TRPM6: variants seen among roughly 807,000 people sequenced by gnomAD.
TRPM6 encodes the protein transient receptor potential cation channel subfamily M member 6.
TRPM6 carries 111 observed loss-of-function variants against 247.6 expected under a neutral mutation model. The ratio of observed to expected loss-of-function variants is 0.45; its 90% CI spans 0.38 to 0.52. The LOEUF (loss-of-function observed/expected upper bound fraction) is 0.52, where lower values mean the gene tolerates loss of function less well. TRPM6 is among the 20% of genes least tolerant of loss of function. The pLI is 0.00. For synonymous variants in TRPM6, 892 were observed against 853.8 expected, an observed-to-expected ratio of 1.04 and a Z score of -0.78; for missense variants, 2,126 against 2,421.5, an observed-to-expected ratio of 0.88 and a Z score of 2.56.
Position 74,747,921 on chromosome 9 carries a change from GA to G in TRPM6, c.5058-8del, listed in dbSNP as rs754094830. The G allele has an allele frequency of 5.2e-5, 82 of 1,588,128 alleles. No homozygotes were observed. The highest frequency in any genetic ancestry group is 6.7e-5 in the South Asian group (6 of 89,082). Reference sequence around the variant, plus strand: ...TCCAATTGAACTTTTCAGCCTGTTTGAAAAAAAAATGAAGTTGTTTAGATAA... The same window carrying G: ...TCCAATTGAACTTTTCAGCCTGTTTGAAAAAAAATGAAGTTGTTTAGATAA... On this transcript the variant is annotated splice_region_variant and splice_polypyrimidine_tract_variant and intron_variant, in intron 30 of 38. Coordinates refer to ENST00000360774, the MANE Select transcript of TRPM6 (RefSeq NM_017662.5).
chr9:74,797,876 G>T (rs1442193675), intron 17 of TRPM6, among the ~76,000 whole-genome samples: 1 of 152,030 alleles, frequency 6.6e-6, no homozygotes, highest in African/African-American at 2.4e-5. Flanking sequence ...AAAATTAGTT[G>T]ATATTATAAA....
chr9:74,723,595 G>A lies in TRPM6; in HGVS notation c.*1018C>T, dbSNP rs1192584875. On this transcript the variant is annotated 3_prime_UTR_variant, in exon 39 of 39. Transcript: ENST00000360774. The stretch of plus-strand genomic sequence containing the variant: ...AGGCAGGTGGATCATCTGAGGTCAG[G>A]AGTTTGAGACCAGCCTGGCCAACAT... 1.3e-5 allele frequency: 2 copies of A among 151,364 alleles called. No individual in the cohort carries two copies. Among genetic ancestry groups the A allele is most frequent in the African/African-American group, 2.4e-5 (1 of 41,210 alleles). The allele number at this position is 151,364 out of a possible 1,614,324, so 9.4% of individuals were successfully genotyped here. A position where few individuals can be genotyped will look rare whatever the true frequency, so the allele number is the denominator to read the frequency against.
intron 18 of TRPM6, among the ~76,000 whole-genome samples, chr9:74,796,365 G>A (rs1242164432): frequency 1.3e-5 from 2 of 152,150 alleles, no homozygotes; most frequent in East Asian, 3.8e-4. Flanking sequence ...AGAACCTCTA[G>A]CACATGTAAA....
chr9:74,845,452 C>T (rs1359368240), intron 3 of TRPM6, among the ~76,000 whole-genome samples: 4 of 152,084 alleles, frequency 2.6e-5, no homozygotes, highest in African/African-American at 7.2e-5. Context: ...TATGATTCAG[C>T]CTTAAAAAGG....
chr9:74,727,733 T>TC (rs1825380048), intron 38 of TRPM6, among the ~76,000 whole-genome samples: 1 of 151,582 alleles, frequency 6.6e-6, no homozygotes, highest in African/African-American at 2.4e-5. Context: ...CAAATCAGAT[T>TC]TAAAAAAATA....
intron 1 of TRPM6, among the ~76,000 whole-genome samples, chr9:74,873,956 C>A (rs1564061753): frequency 1.3e-5 from 2 of 151,846 alleles, no homozygotes; most frequent in African/African-American, 4.8e-5. Flanking sequence ...GCAGTCCAGG[C>A]TGGGCATGGT....
At chr9:74,725,211 TC>T (rs1825275602) in intron 38 of TRPM6, among the ~76,000 whole-genome samples, 1 of 152,084 alleles carries the variant, frequency 6.6e-6, no homozygotes, top group Non-Finnish European at 1.5e-5. Context: ...ATCCTATGCT[TC>T]CTAAGCCCTC....
At chr9:74,731,877 C>T (rs1825533222) in intron 37 of TRPM6, among the ~76,000 whole-genome samples, 1 of 152,078 alleles carries the variant, frequency 6.6e-6, no homozygotes, top group East Asian at 1.9e-4. Flanking sequence ...GGCCCTACCC[C>T]AAACCTACTG....
At chr9:74,886,960 T>G (rs770515764) in intron 1 of TRPM6, among the ~76,000 whole-genome samples, 1 of 152,194 alleles carries the variant, frequency 6.6e-6, no homozygotes, top group African/African-American at 2.4e-5. Context: ...TGAAATACAA[T>G]GTGCTCAATT....
At position 74,750,542 on chromosome 9, in the gene TRPM6, T is replaced by C. The variant is rs1430023755; in HGVS notation, c.5057+122A>G. On this transcript the variant is annotated intron_variant, in intron 30 of 38. Transcript: ENST00000360774. ...TTTCATTCTGCTAACAAGAGAAAAG[T>C]ATTGTCATTTGACACACACTTCTTT... 4.5e-6 allele frequency: 4 copies of C among 890,314 alleles called. No homozygotes were observed. The East Asian group carries it at 9.8e-5, about 22-fold the overall frequency. The allele number at this position is 890,314 out of a possible 1,614,324, so 55.2% of individuals were successfully genotyped here.
intron 20 of TRPM6, 113 bp downstream of exon 20, chr9:74,788,501 T>G: frequency 7.7e-7 from 1 of 1,294,300 alleles, no homozygotes; most frequent in East Asian, 2.3e-5. Flanking sequence ...GTGTCCTGTC[T>G]TCCCCCACCC....
At chr9:74,794,841 T>TTA (rs981294847) in intron 18 of TRPM6, among the ~76,000 whole-genome samples, 19 of 151,964 alleles carry the variant, frequency 1.3e-4, no homozygotes, top group Non-Finnish European at 2.6e-4. Context: ...ATAACTTTTA[T>TTA]TATATATATA....
At chr9:74,774,542 C>A (rs1157108501) in intron 24 of TRPM6, among the ~76,000 whole-genome samples, 1 of 152,146 alleles carries the variant, frequency 6.6e-6, no homozygotes, top group African/African-American at 2.4e-5. Context: ...GAGTCACCTA[C>A]CACCAGCAAA....
chr9:74,811,549 A>G (rs1488852676), intron 12 of TRPM6, among the ~76,000 whole-genome samples: 3 of 152,246 alleles, frequency 2.0e-5, no homozygotes, highest in South Asian at 2.1e-4. Flanking sequence ...AGGTACAGGA[A>G]CAGTATTTTA....
At chr9:74,835,677 C>T (rs1829699167) in intron 5 of TRPM6, among the ~76,000 whole-genome samples, 3 of 152,000 alleles carry the variant, frequency 2.0e-5, no homozygotes, top group Admixed American at 2.0e-4. Flanking sequence ...AATTGTGGCA[C>T]TGAGAGTTTA....
chr9:74,776,798 A>T (rs1286439745), intron 23 of TRPM6, among the ~76,000 whole-genome samples: 1 of 152,222 alleles, frequency 6.6e-6, no homozygotes, highest in Non-Finnish European at 1.5e-5. Context: ...AGAGGAACAA[A>T]ATAAGATGTC....
intron 37 of TRPM6, among the ~76,000 whole-genome samples, chr9:74,730,545 C>T (rs1563986976): frequency 6.6e-6 from 1 of 152,130 alleles, no homozygotes; most frequent in Non-Finnish European, 1.5e-5. Flanking sequence ...ATAAATAACC[C>T]GTGAAAGCAC....
chr9:74,781,355 G>A (rs1783668271), intron 23 of TRPM6, among the ~76,000 whole-genome samples: 3 of 151,798 alleles, frequency 2.0e-5, no homozygotes, highest in Non-Finnish European at 4.4e-5. Context: ...GGTCAACACG[G>A]TGAAACCCCG....
At chr9:74,818,492 A>ATTT (rs1829029357) in intron 9 of TRPM6, among the ~76,000 whole-genome samples, 1 of 151,806 alleles carries the variant, frequency 6.6e-6, no homozygotes, top group Non-Finnish European at 1.5e-5. Flanking sequence ...TGGTAGAGAC[A>ATTT]GGGTTTCACC....
Sources: allele counts gnomAD v4.1 joint callset (sites outside exome capture counted in the v4.1 genomes callset), GRCh38; gene constraint gnomAD v4.1.1; transcripts MANE v1.5; gene names NCBI Gene and HGNC (gene_info 2026-07-23, HGNC 2026-07-21).